Variants in DHX30 observed in about 807,000 individuals in gnomAD.
The protein encoded by DHX30 is ATP-dependent RNA helicase DHX30.
Under a neutral mutation model 116.9 loss-of-function variants are expected in DHX30, and 4 were observed. That is an observed-to-expected ratio of 0.03 (90% CI 0.02 to 0.08). The LOEUF is 0.08. DHX30 is among the 10% of genes least tolerant of loss of function. The probability of loss-of-function intolerance (pLI) is 1.00; values close to 1 mark genes in which losing one functional copy is unlikely to be tolerated. For missense variants in DHX30, 871 were observed against 1,595.1 expected, an observed-to-expected ratio of 0.55 and a Z score of 7.73; for synonymous variants, 697 against 651.7, an observed-to-expected ratio of 1.07 and a Z score of -1.06.
chr3:47,809,954 CT>C (rs999036445), intron 2 of DHX30, among the ~76,000 whole-genome samples: 6 of 152,084 alleles, frequency 3.9e-5, no homozygotes, highest in African/African-American at 1.2e-4. Flanking sequence ...AGATGTGTTG[CT>C]TTTTTTTCTT....
rs750258606 is a variant in DHX30 at position 47,850,025 on chromosome 3, G to A, written c.3490G>A (p.Val1164Ile). 11 of 1,609,172 alleles carry A rather than the reference G, an allele frequency of 6.8e-6. No individual in the cohort carries two copies. Among genetic ancestry groups the A allele is most frequent in the East Asian group, 6.7e-5 (3 of 44,742 alleles). ...RSELAALPPS[V>I]QEEHGQLLAL... is the part of the protein sequence containing the mutation. ...CGAGCTGGCTGCACTTCCCCCCAGC[G>A]TACAGGAGGAGCACGGGCAGCTGCT... The change falls in exon 22 of 22, where the codon GTA becomes ATA. Residue 1164 changes from valine to isoleucine, a missense_variant. This residue lies in a region of DHX30 where 52 missense variants were observed against 50.1 expected (regional missense o/e 1.04). Transcript: ENST00000445061.
chr3:47,847,207 G>T lies in DHX30; in HGVS notation c.1930-66G>T, dbSNP rs1029952309. The T allele has an allele frequency of 8.8e-6, 14 of 1,596,762 alleles. No individual in the cohort carries two copies. The highest frequency in any genetic ancestry group is 4.0e-5 in the African/African-American group (3 of 74,640). On this transcript the variant is annotated intron_variant, in intron 11 of 21. Transcript: ENST00000445061. The surrounding 1 kb of genome is among the most constrained non-coding windows in gnomAD (Gnocchi z 5.5). ...GCGGCTCCGTCTCACTGAGTCAGGT[G>T]GCTGTGTCCTTGGCATGACCCCTTA... is the stretch of plus-strand genomic sequence containing the variant.
chr3:47,812,050 C>A (rs1228055839), intron 3 of DHX30, among the ~76,000 whole-genome samples: 46 of 99,444 alleles, frequency 4.6e-4, no homozygotes, highest in Middle Eastern at 0.012. Flanking sequence ...GGCAACAGAG[C>A]AAGACTCAGT....
chr3:47,823,993 T>C (rs1476141005), intron 4 of DHX30, among the ~76,000 whole-genome samples: 2 of 150,628 alleles, frequency 1.3e-5, no homozygotes, highest in Non-Finnish European at 3.0e-5. Flanking sequence ...CCATTTTCTT[T>C]TCCTTTTTTT....
chr3:47,827,767 T>C (rs1482276887), intron 5 of DHX30, among the ~76,000 whole-genome samples: 1 of 152,162 alleles, frequency 6.6e-6, no homozygotes, highest in East Asian at 1.9e-4. Context: ...GGGTTAGAGT[T>C]AATGATAATT....
In DHX30 at chr3:47,819,120, A is replaced by T. The variant is rs910340879; in HGVS notation, c.124+1003A>T. On this transcript the variant is annotated intron_variant, in intron 4 of 21. Coordinates refer to ENST00000445061, the MANE Select transcript of DHX30 (RefSeq NM_138615.3). The stretch of plus-strand genomic sequence containing the variant: ...CAGCAGGATAGAAATGAGTACTTCT[A>T]GCCCCCTGACCATTTGACTTAGGTT... The T allele has an allele frequency of 1.3e-5, 11 of 874,446 alleles. No homozygotes were observed. In the African/African-American group the frequency reaches 1.9e-4, roughly 15 times the overall value. The allele number at this position is 874,446 out of a possible 1,614,324, so 54.2% of individuals were successfully genotyped here. A position where few individuals can be genotyped will look rare whatever the true frequency, so the allele number is the denominator to read the frequency against.
intron 10 of DHX30, 139 bp downstream of exon 10, chr3:47,845,991 C>T: frequency 7.0e-7 from 1 of 1,437,524 alleles, no homozygotes; most frequent in East Asian, 2.3e-5. Context: ...ATCCCCCTGG[C>T]CTGAACAGCC....
At position 47,839,317 on chromosome 3, in the gene DHX30, G is replaced by A. The variant is rs1421766229; in HGVS notation, c.367-1560G>A. ...TTTTTTTTTGAGACGGAGTTTCGCC[G>A]GAGGTTTGCTCTTGTTACCCAGGCT... On this transcript the variant is annotated intron_variant, in intron 6 of 21. Coordinates refer to ENST00000445061, the MANE Select transcript of DHX30 (RefSeq NM_138615.3). 3.9e-5 allele frequency among the ~76,000 whole-genome samples: 5 copies of A among 128,374 alleles called. No homozygotes were observed. The East Asian group carries it at 6.6e-4, about 17-fold the overall frequency. 84.2% of individuals were successfully genotyped at this position (128,374 alleles called of 152,430 possible).
intron 6 of DHX30, among the ~76,000 whole-genome samples, chr3:47,836,081 G>A (rs2107080806): frequency 6.6e-6 from 1 of 152,348 alleles, no homozygotes; most frequent in African/African-American, 2.4e-5. Context: ...TCTCTGCCTG[G>A]CTGACTGGCT....
intron 3 of DHX30, among the ~76,000 whole-genome samples, chr3:47,815,597 A>G (rs1164748282): frequency 6.6e-6 from 1 of 152,072 alleles, no homozygotes; most frequent in Non-Finnish European, 1.5e-5. Context: ...GTTGGTAAGA[A>G]TGCCCATGTT....
At chr3:47,816,376 T>TC in intron 3 of DHX30, 1 of 974,014 alleles carries the variant, frequency 1.0e-6, no homozygotes, top group Non-Finnish European at 1.2e-6. Flanking sequence ...TTTTTTTTTT[T>TC]AAGACGGAGT....
chr3:47,847,860 C>T lies in DHX30; in HGVS notation c.2190C>T (p.Ala730=). 1.9e-6 allele frequency: 3 copies of T among 1,614,154 alleles called. No homozygotes were observed. Among genetic ancestry groups the T allele is most frequent in the Non-Finnish European group, 2.5e-6 (3 of 1,180,032 alleles). ...TTGGGGTGCGCAAGATTGTCTTGGC[C>T]ACCAACATTGCTGAGACTTCCATCA... ...PPVGVRKIVL[A]TNIAETSITI... is the part of the protein sequence containing the mutation. The change falls in exon 14 of 22, where the codon GCC becomes GCT. Residue 730 remains alanine, a synonymous_variant. Transcript: ENST00000445061. The surrounding 1 kb of genome is among the most constrained non-coding windows in gnomAD (Gnocchi z 5.5).
intron 4 of DHX30, 124 bp downstream of exon 4, chr3:47,818,241 A>C: frequency 1.5e-6 from 1 of 672,746 alleles, no homozygotes; most frequent in Admixed American, 2.4e-5. Flanking sequence ...GGGTGGGATT[A>C]GCAGAGCTAT....
At chr3:47,815,540 T>C (rs891330268) in intron 3 of DHX30, among the ~76,000 whole-genome samples, 11 of 151,972 alleles carry the variant, frequency 7.2e-5, no homozygotes, top group African/African-American at 2.4e-4. Context: ...GCCCACTGGG[T>C]CTTGTGGCTA....
At chr3:47,832,940 C>CTT (rs752858732) in intron 6 of DHX30, among the ~76,000 whole-genome samples, 140 of 118,602 alleles carry the variant, frequency 1.2e-3, no homozygotes, top group Middle Eastern at 4.6e-3. Context: ...TGCCTGGCCT[C>CTT]TTTTTTTTTT....
Position 47,848,858 on chromosome 3 carries a change from G to C in DHX30, c.2769+41G>C, listed in dbSNP as rs771484698. On this transcript the variant is annotated intron_variant, in intron 17 of 21. Coordinates refer to ENST00000445061, the MANE Select transcript of DHX30 (RefSeq NM_138615.3). This position sits in a 1 kb window ranked among gnomAD's most constrained non-coding sequence, Gnocchi z 9.4. ...TTCCTGGAGCCGTCCACCCACTGCT[G>C]TTCTGAGGGGGCGTTGTCTAGCCCC... The C allele has an allele frequency of 4.4e-6, 7 of 1,599,956 alleles. No individual in the cohort carries two copies. Among genetic ancestry groups the C allele is most frequent in the African/African-American group, 2.7e-5 (2 of 74,782 alleles).
At position 47,828,500 on chromosome 3, in the gene DHX30, G is replaced by A. The variant is rs537104983; in HGVS notation, c.256-524G>A. ...AAAAAAAAAAGATGAGGCTGGGCGC[G>A]GTGGCTCATGCCTGTAATCCCAGCA... On this transcript the variant is annotated intron_variant, in intron 5 of 21. Coordinates refer to ENST00000445061, the MANE Select transcript of DHX30 (RefSeq NM_138615.3). Among the ~76,000 whole-genome samples, 27 of 151,228 alleles carry A rather than the reference G, an allele frequency of 1.8e-4. 1 individual carries two copies. In the South Asian group the frequency reaches 5.0e-3, roughly 28 times the overall value.
At chr3:47,841,908 A>C (rs1436225284) in intron 8 of DHX30, 171 bp downstream of exon 8, 2 of 890,376 alleles carry the variant, frequency 2.2e-6, no homozygotes, top group African/African-American at 3.3e-5. Flanking sequence ...GATGGAATGG[A>C]GGTCAAGCCT....
At position 47,841,828 on chromosome 3, in the gene DHX30, G is replaced by A. The variant is rs1382362171; in HGVS notation, c.789+91G>A. 3 of 1,573,442 alleles carry A rather than the reference G, an allele frequency of 1.9e-6. No individual in the cohort carries two copies. The African/African-American group carries it at 4.1e-5, about 21-fold the overall frequency. The stretch of plus-strand genomic sequence containing the variant: ...AGGCAGGTTTAGAGAGGGCTGAGGG[G>A]GTGTGTTCCTCCAGCCCAAACCTAG... On this transcript the variant is annotated intron_variant, in intron 8 of 21. Coordinates refer to ENST00000445061, the MANE Select transcript of DHX30 (RefSeq NM_138615.3).
Sources: gnomAD v4.1 joint callset for allele counts (sites outside exome capture counted in the v4.1 genomes callset) on GRCh38, gnomAD v4.1.1 for gene constraint, gnomAD v4.1.1 regional missense constraint, Gnocchi (gnomAD v3.1) non-coding constraint, MANE v1.5 for transcripts, NCBI Gene and HGNC (gene_info 2026-07-23, HGNC 2026-07-21) for gene names.